TEAD1: variants seen among roughly 807,000 people sequenced by gnomAD.
TEAD1 encodes the protein TEA domain transcription factor 1.
TEAD1 carries 9 observed loss-of-function variants against 54.9 expected under a neutral mutation model. The observed-to-expected ratio is 0.16, with a 90% confidence interval of 0.10 to 0.29. TEAD1 has a LOEUF of 0.29. TEAD1 is among the 10% of genes least tolerant of loss of function. TEAD1 has a pLI of 1.00. For synonymous variants in TEAD1, 200 were observed against 187.8 expected, an observed-to-expected ratio of 1.07 and a Z score of -0.53; for missense variants, 387 against 535.9, an observed-to-expected ratio of 0.72 and a Z score of 2.74.
rs1205929321 is a variant in TEAD1 at position 12,943,492 on chromosome 11, TC to T, written c.*6272del. 1 of 152,614 alleles carries T rather than the reference TC, an allele frequency of 6.6e-6. No individual in the cohort carries two copies. Among genetic ancestry groups the T allele is most frequent in the Admixed American group, 6.5e-5 (1 of 15,280 alleles). The allele number at this position is 152,614 out of a possible 1,614,324, so 9.5% of individuals were successfully genotyped here. On this transcript the variant is annotated 3_prime_UTR_variant, in exon 13 of 13. Coordinates refer to ENST00000527636, the MANE Select transcript of TEAD1 (RefSeq NM_021961.6). ...TAAGATGAAATATTTGTATTTATTG[TC>T]CTACTTCCTAAGCCGTAACTTCTTT...
chr11:12,888,170 G>C (rs552945718), intron 9 of TEAD1, among the ~76,000 whole-genome samples: 1 of 152,302 alleles, frequency 6.6e-6, no homozygotes, highest in South Asian at 2.1e-4. Flanking sequence ...ACAGTAGCCA[G>C]CTTTGCACCC....
At chr11:12,848,134 T>C (rs918106989) in intron 3 of TEAD1, among the ~76,000 whole-genome samples, 12 of 152,194 alleles carry the variant, frequency 7.9e-5, no homozygotes, top group African/African-American at 2.9e-4. Context: ...CGTCTTTGAT[T>C]ACCATTGTTT....
intron 3 of TEAD1, among the ~76,000 whole-genome samples, chr11:12,775,623 G>A (rs1477612713): frequency 6.6e-6 from 1 of 152,160 alleles, no homozygotes; most frequent in Admixed American, 6.5e-5. Flanking sequence ...CACTAAAGGT[G>A]CTATTTTAGA....
intron 2 of TEAD1, among the ~76,000 whole-genome samples, chr11:12,693,588 A>G (rs976849561): frequency 2.0e-5 from 3 of 152,226 alleles, no homozygotes; most frequent in Non-Finnish European, 2.9e-5. Flanking sequence ...GTCGCAGCCC[A>G]TGGATTAAGC....
intron 2 of TEAD1, among the ~76,000 whole-genome samples, chr11:12,757,393 A>G (rs1043464770): frequency 6.6e-6 from 1 of 152,198 alleles, no homozygotes; most frequent in Non-Finnish European, 1.5e-5. Flanking sequence ...AGAAGGTAAA[A>G]TATATTGTCT....
chr11:12,809,225 C>T (rs191999981), intron 3 of TEAD1, among the ~76,000 whole-genome samples: 241 of 152,292 alleles, frequency 1.6e-3, no homozygotes, highest in Admixed American at 4.2e-3. Context: ...GTGACGGGGC[C>T]ACTCACAGTC....
chr11:12,811,280 G>T (rs941068986), intron 3 of TEAD1, among the ~76,000 whole-genome samples: 1 of 152,102 alleles, frequency 6.6e-6, no homozygotes, highest in African/African-American at 2.4e-5. Context: ...CTATATGGGA[G>T]CAGTTTTCTT....
At position 12,743,262 on chromosome 11, in the gene TEAD1, T is replaced by C. The variant is rs115038404; in HGVS notation, c.-54-20917T>C. Among the ~76,000 whole-genome samples the C allele has an allele frequency of 7.5e-3, 1,147 of 152,314 alleles. 14 individuals are homozygous for C. The highest frequency in any genetic ancestry group is 0.026 in the African/African-American group (1,092 of 41,568). Reference sequence around the variant, plus strand: ...AAATTCAAAGCAATATATGTCGAGCTTATTGACAGCACTCAATAAATGTTG... The same window carrying C: ...AAATTCAAAGCAATATATGTCGAGCCTATTGACAGCACTCAATAAATGTTG... On this transcript the variant is annotated intron_variant, in intron 2 of 12. Transcript: ENST00000527636.
At chr11:12,725,411 A>G (rs1234065096) in intron 2 of TEAD1, among the ~76,000 whole-genome samples, 1 of 152,236 alleles carries the variant, frequency 6.6e-6, no homozygotes, top group Non-Finnish European at 1.5e-5. Context: ...ACAGCGGACT[A>G]GAGTGACTAT....
In TEAD1 at chr11:12,856,223, C is replaced by T. The variant is rs549418747; in HGVS notation, c.203-6027C>T. Reference sequence around the variant, plus strand: ...CTCTTTTCTGACCTGAAGAATGACTCGGTCCATAAATGTTGAGCCACCTGA... The same window carrying T: ...CTCTTTTCTGACCTGAAGAATGACTTGGTCCATAAATGTTGAGCCACCTGA... On this transcript the variant is annotated intron_variant, in intron 3 of 12. Transcript: ENST00000527636. Among the ~76,000 whole-genome samples, 55 of 151,126 alleles carry T rather than the reference C, an allele frequency of 3.6e-4. No individual in the cohort carries two copies. The South Asian group carries it at 0.011, about 30-fold the overall frequency.
chr11:12,869,611 C>T (rs1033516233), intron 5 of TEAD1, among the ~76,000 whole-genome samples: 14 of 152,142 alleles, frequency 9.2e-5, no homozygotes, highest in Admixed American at 7.2e-4. Context: ...AAAATTTAAA[C>T]AGTACAGAAA....
chr11:12,675,907 A>G (rs1454603802), intron 2 of TEAD1, among the ~76,000 whole-genome samples: 1 of 152,210 alleles, frequency 6.6e-6, no homozygotes, highest in African/African-American at 2.4e-5. Context: ...CACTATATAA[A>G]AATATTTATG....
intron 3 of TEAD1, among the ~76,000 whole-genome samples, chr11:12,797,065 A>C (rs1945945700): frequency 6.7e-6 from 1 of 148,654 alleles, no homozygotes; most frequent in Non-Finnish European, 1.5e-5. Context: ...GTGAGCCAAG[A>C]TTGCGCCACT....
At chr11:12,885,839 C>A (rs1444386810) in intron 9 of TEAD1, among the ~76,000 whole-genome samples, 1 of 152,210 alleles carries the variant, frequency 6.6e-6, no homozygotes, top group Non-Finnish European at 1.5e-5. Flanking sequence ...TTGAATCATT[C>A]AGACCATTCT....
chr11:12,844,959 C>CTTT (rs3046338), intron 3 of TEAD1, among the ~76,000 whole-genome samples: 15,745 of 64,868 alleles, frequency 0.24, 2,111 homozygotes, highest in Middle Eastern at 0.28. Context: ...TGTATGAAAT[C>CTTT]TTTTTTTTTT....
At chr11:12,718,711 CTT>C (rs1005498445) in intron 2 of TEAD1, among the ~76,000 whole-genome samples, 2 of 151,896 alleles carry the variant, frequency 1.3e-5, no homozygotes, top group African/African-American at 4.8e-5. Flanking sequence ...TAATTACACT[CTT>C]GTCTTTAGAG....
At chr11:12,872,853 C>G (rs11022524) in intron 5 of TEAD1, among the ~76,000 whole-genome samples, 34,622 of 152,082 alleles carry the variant, frequency 0.23, 5,444 homozygotes, top group East Asian at 0.71. Context: ...CATTACCTGG[C>G]CCCCGTAGAC....
In TEAD1 at chr11:12,692,707, A is replaced by G. The variant is rs1302278013; in HGVS notation, c.-55+17146A>G. On this transcript the variant is annotated intron_variant, in intron 2 of 12. Coordinates refer to ENST00000527636, the MANE Select transcript of TEAD1 (RefSeq NM_021961.6). ...ACTCAGTTTCACAAAGGGAATTTTC[A>G]TTATGGTCCTGTGGCTCCCTAACAT... Among the ~76,000 whole-genome samples, 4 of 152,124 alleles carry G rather than the reference A, an allele frequency of 2.6e-5. No individual in the cohort carries two copies. In the East Asian group the frequency reaches 7.7e-4, roughly 29 times the overall value.
intron 11 of TEAD1, among the ~76,000 whole-genome samples, chr11:12,926,277 C>T (rs1194951553): frequency 2.0e-5 from 3 of 152,098 alleles, no homozygotes; most frequent in African/African-American, 7.2e-5. Flanking sequence ...TAGCACAAGC[C>T]CCCTGAGCAA....
Sources: gnomAD v4.1 joint callset for allele counts (sites outside exome capture counted in the v4.1 genomes callset) on GRCh38, gnomAD v4.1.1 for gene constraint, MANE v1.5 for transcripts, NCBI Gene and HGNC (gene_info 2026-07-23, HGNC 2026-07-21) for gene names.